SGO1: variants seen among roughly 807,000 people sequenced by gnomAD.
SGO1 encodes the protein serologically defined breast cancer antigen NY-BR-85.
A neutral mutation model predicts 50.5 loss-of-function variants in SGO1; 39 were observed. The ratio of observed to expected loss-of-function variants is 0.77; its 90% confidence interval spans 0.60 to 1.01. SGO1 has a LOEUF of 1.01. Ranked by LOEUF, SGO1 falls within the 50% of genes least tolerant of loss-of-function variation. The probability of loss-of-function intolerance (pLI) is 0.00; values close to 1 mark genes in which losing one functional copy is unlikely to be tolerated. For missense variants in SGO1, 638 were observed against 606.0 expected (o/e 1.05, Z -0.55); for synonymous variants, 191 against 205.1 (o/e 0.93, Z 0.59).
intron 1 of SGO1, 34 bp from the exon 2 acceptor site, chr3:20,184,068 A>C: frequency 6.7e-7 from 1 of 1,494,534 alleles, no homozygotes; most frequent in East Asian, 2.3e-5. Context: ...CTCAGAGAGA[A>C]TATTATCAAA....
At chr3:20,172,582 C>T (rs547648781) in intron 6 of SGO1, among the ~76,000 whole-genome samples, 10 of 150,742 alleles carry the variant, frequency 6.6e-5, no homozygotes, top group East Asian at 2.0e-4. Context: ...TCTTAAAAGA[C>T]GTCTAGGGAT....
At position 20,174,305 on chromosome 3, in the gene SGO1, A is replaced by G; in HGVS notation, c.1226T>C (p.Leu409Pro). The G allele has an allele frequency of 6.2e-7, 1 of 1,614,186 alleles. No individual in the cohort carries two copies. Among genetic ancestry groups the G allele is most frequent in the Non-Finnish European group, 8.5e-7 (1 of 1,180,020 alleles). The change falls in exon 6 of 8, where the codon CTG becomes CCG. Residue 409 changes from leucine to proline, a missense_variant. By Grantham distance (98) the Leu-to-Pro change is moderately conservative. Coordinates refer to ENST00000412997, the MANE Select transcript of SGO1 (RefSeq NM_001199251.3). ...PVTRPLAKRA[L>P]KYTDEKETEG... Reference sequence around the variant, plus strand: ...CGTCTCTTTTTCATCTGTGTATTTCAGTGCTCTTTTAGCTAGAGGCCTGGT... The same window carrying G: ...CGTCTCTTTTTCATCTGTGTATTTCGGTGCTCTTTTAGCTAGAGGCCTGGT...
chr3:20,178,238 A>C, intron 4 of SGO1, 33 bp downstream of exon 4: 1 of 1,419,598 alleles, frequency 7.0e-7, no homozygotes, highest in Non-Finnish European at 1.0e-6. Flanking sequence ...CTTTCTTAGT[A>C]TTAATAATCA....
At chr3:20,178,435 G>T in intron 3 of SGO1, 88 bp from the exon 4 acceptor site, 1 of 916,018 alleles carries the variant, frequency 1.1e-6, no homozygotes, top group Non-Finnish European at 1.8e-6. Context: ...CTTGTTGACA[G>T]TCTATCATGG....
intron 6 of SGO1, among the ~76,000 whole-genome samples, chr3:20,172,245 T>C (rs1053765657): frequency 6.6e-6 from 1 of 152,206 alleles, no homozygotes; most frequent in African/African-American, 2.4e-5. Flanking sequence ...CTCACGCCAG[T>C]AATCCCAGCA....
downstream of SGO1, among the ~76,000 whole-genome samples, chr3:20,167,759 A>C (rs531053733): frequency 6.6e-6 from 1 of 152,302 alleles, no homozygotes; most frequent in East Asian, 1.9e-4. Context: ...CCACTGTAGG[A>C]AGCAATTTCC....
chr3:20,166,836 C>T (rs1190598937), downstream of SGO1, among the ~76,000 whole-genome samples: 1 of 108,792 alleles, frequency 9.2e-6, no homozygotes. Context: ...CAGTCCCCAT[C>T]TCTACCAAAA....
At chr3:20,178,947 G>GTCTGAATT (rs1701703371) in intron 3 of SGO1, among the ~76,000 whole-genome samples, 2 of 152,158 alleles carry the variant, frequency 1.3e-5, no homozygotes, top group African/African-American at 4.8e-5. Flanking sequence ...TGAAAGATCA[G>GTCTGAATT]TCTGAATTGA....
At chr3:20,178,605 C>T (rs1456396373) in intron 3 of SGO1, among the ~76,000 whole-genome samples, 1 of 152,064 alleles carries the variant, frequency 6.6e-6, no homozygotes, top group Non-Finnish European at 1.5e-5. Flanking sequence ...GAAGGAAATA[C>T]CCAGTGTGAG....
intron 3 of SGO1, among the ~76,000 whole-genome samples, chr3:20,178,965 C>T (rs1031744959): frequency 2.0e-5 from 3 of 151,904 alleles, no homozygotes; most frequent in Non-Finnish European, 2.9e-5. Context: ...TGAAAGAGGC[C>T]GGGGGTAGAA....
At chr3:20,176,474 A>G (rs943068554) in intron 5 of SGO1, 127 bp downstream of exon 5, 3 of 608,442 alleles carry the variant, frequency 4.9e-6, no homozygotes, top group African/African-American at 1.9e-5. Context: ...ATTTGCTTTG[A>G]GCAGAATACC....
rs1003780049 is a variant in SGO1, at chr3:20,161,548, G to A, written c.1565-322C>T. ...CTAAAAAGATGGAAAATATGAAAAA[G>A]GAGTTAAGAGACACAGGTTATACAC... On this transcript the variant is annotated intron_variant, in intron 8 of 8. Transcript: ENST00000263753. Among the ~76,000 whole-genome samples, 154 of 152,208 alleles carry A rather than the reference G, an allele frequency of 1.0e-3. 2 individuals are homozygous for A. The highest frequency in any genetic ancestry group is 2.9e-4 in the Non-Finnish European group (20 of 67,992).
chr3:20,176,400 C>T (rs1701393976), intron 5 of SGO1, among the ~76,000 whole-genome samples: 1 of 152,060 alleles, frequency 6.6e-6, no homozygotes, highest in Non-Finnish European at 1.5e-5. Context: ...GCCAAAGATT[C>T]AGATTACAGA....
chr3:20,168,883 T>C (rs1700455538), downstream of SGO1: 1 of 930,716 alleles, frequency 1.1e-6, no homozygotes, highest in Non-Finnish European at 1.3e-6. Flanking sequence ...TCTGCCCGCC[T>C]TGGCCTCCCA....
chr3:20,169,378 A>G (rs954362294), downstream of SGO1: 2 of 984,770 alleles, frequency 2.0e-6, no homozygotes, highest in Admixed American at 1.2e-4. Flanking sequence ...CCCCTCAAAA[A>G]AGAGAATACC....
intron 3 of SGO1, among the ~76,000 whole-genome samples, chr3:20,180,800 AT>A (rs1180524683): frequency 3.3e-5 from 5 of 152,266 alleles, no homozygotes; most frequent in African/African-American, 1.2e-4. Context: ...AAAAATGTTC[AT>A]TAAAAACAAA....
At chr3:20,178,493 G>T in intron 3 of SGO1, 146 bp from the exon 4 acceptor site, 1 of 601,756 alleles carries the variant, frequency 1.7e-6, no homozygotes. Context: ...CTCAAAAGCA[G>T]AGTAAGTCTT....
intron 7 of SGO1, 82 bp downstream of exon 7, chr3:20,170,961 C>G (rs1700659736): frequency 1.4e-6 from 2 of 1,475,544 alleles, no homozygotes; most frequent in Non-Finnish European, 1.8e-6. Flanking sequence ...TCAGAAAAAA[C>G]TCATTCTTGA....
intron 3 of SGO1, among the ~76,000 whole-genome samples, chr3:20,178,865 G>T (rs987442001): frequency 6.6e-6 from 1 of 152,188 alleles, no homozygotes; most frequent in Non-Finnish European, 1.5e-5. Context: ...AGAGCCATGA[G>T]TTTAGATTTT....
Sources: allele counts gnomAD v4.1 joint callset (sites outside exome capture counted in the v4.1 genomes callset), GRCh38; gene constraint gnomAD v4.1.1; transcripts MANE v1.5; gene names NCBI Gene and HGNC (gene_info 2026-07-23, HGNC 2026-07-21).